MKNK1: variants seen among roughly 807,000 people sequenced by gnomAD.
The protein encoded by MKNK1 is MAP kinase-interacting serine/threonine-protein kinase 1.
MKNK1 carries 30 observed loss-of-function variants against 49.3 expected under a neutral mutation model. The ratio of observed to expected loss-of-function variants is 0.61; its 90% CI spans 0.46 to 0.83. MKNK1 has a LOEUF of 0.83. Among genes scored for constraint, MKNK1 ranks in the 40% least tolerant of loss-of-function variants. MKNK1 has a pLI of 0.00. For missense variants in MKNK1, 423 were observed against 524.7 expected (o/e 0.81, Z 1.89); for synonymous variants, 176 against 201.7 (o/e 0.87, Z 1.08).
intron 2 of MKNK1, chr1:46,585,613 T>G (rs2148715940): frequency 1.5e-5 from 5 of 340,010 alleles, no homozygotes; most frequent in South Asian, 9.3e-5. Flanking sequence ...TGTCCACACT[T>G]TGATGGAGGG....
intron 4 of MKNK1, among the ~76,000 whole-genome samples, chr1:46,578,129 C>G (rs569962318): frequency 4.6e-5 from 7 of 152,206 alleles, no homozygotes; most frequent in Non-Finnish European, 5.9e-5. Context: ...AGCAGGCAAG[C>G]CTTCCACAGC....
chr1:46,572,559 C>G (rs1450465782), intron 6 of MKNK1, among the ~76,000 whole-genome samples: 1 of 151,992 alleles, frequency 6.6e-6, no homozygotes, highest in East Asian at 1.9e-4. Context: ...GTTTGGAAAA[C>G]TTGGGGTGGG....
chr1:46,581,605 C>T (rs1328261010), intron 3 of MKNK1, among the ~76,000 whole-genome samples: 1 of 149,934 alleles, frequency 6.7e-6, no homozygotes, highest in African/African-American at 2.5e-5. Flanking sequence ...TTCATTTACT[C>T]ATTTACTGAG....
rs1188316063 is a variant in MKNK1, at chr1:46,560,270, G to A, written c.977C>T (p.Pro326Leu). The change falls in exon 12 of 13, where the codon CCA becomes CTA. Residue 326 changes from proline (P) to leucine (L), a missense_variant. Pro to Leu is a moderately conservative substitution (Grantham distance 98). Transcript: ENST00000371945. Reference protein sequence around the residue: ...LQHPWVQGQAPEKGLPTPQVL... With the variant: ...LQHPWVQGQALEKGLPTPQVL... ...TTGCGGCGTGGGGAGTCCCTTTTCT[G>A]GAGCTTGCTAGAATGGGAAGGACAG... 3 of 1,614,134 alleles carry A rather than the reference G, an allele frequency of 1.9e-6. No homozygotes were observed. The highest frequency in any genetic ancestry group is 1.3e-5 in the African/African-American group (1 of 75,028).
chr1:46,585,249 C>CAAAAAAAAAAAAAAAA (rs58692301), intron 2 of MKNK1, among the ~76,000 whole-genome samples: 1 of 62,138 alleles, frequency 1.6e-5, no homozygotes, highest in Non-Finnish European at 3.0e-5. Context: ...GATTCCGTCT[C>CAAAAAAAAAAAAAAAA]AAAAAAAAAA....
intron 12 of MKNK1, chr1:46,559,852 T>C (rs888931338): frequency 1.3e-4 from 36 of 278,750 alleles, no homozygotes; most frequent in African/African-American, 7.1e-4. Flanking sequence ...TCACTGTCCG[T>C]CTAGTACCGT....
chr1:46,603,343 C>T (rs1674994290), intron 1 of MKNK1, among the ~76,000 whole-genome samples: 2 of 152,194 alleles, frequency 1.3e-5, no homozygotes, highest in African/African-American at 4.8e-5. Context: ...ACTGAGGCTT[C>T]AAGGCCCAGG....
intron 7 of MKNK1, chr1:46,570,254 C>T (rs1248316663): frequency 1.3e-5 from 2 of 152,212 alleles, no homozygotes; most frequent in Non-Finnish European, 1.5e-5. Context: ...TTTACCACCC[C>T]CTCCAAGGTG....
At chr1:46,577,824 T>A (rs1453420267) in intron 4 of MKNK1, among the ~76,000 whole-genome samples, 1 of 152,230 alleles carries the variant, frequency 6.6e-6, no homozygotes, top group Non-Finnish European at 1.5e-5. Flanking sequence ...ATCTGGAGCC[T>A]CAAACCACTG....
chr1:46,558,945 G>A (rs1040893226), intron 12 of MKNK1, 145 bp from the exon 13 acceptor site: 1 of 670,776 alleles, frequency 1.5e-6, no homozygotes, highest in African/African-American at 1.8e-5. Flanking sequence ...CTCCAAAGTA[G>A]TTCTTGCCTA....
chr1:46,558,656 G>A lies in MKNK1; in HGVS notation c.1158C>T (p.Pro386=). Residue 386 remains proline, a synonymous_variant, in exon 13 of 13, where the codon CCC becomes CCT. Transcript: ENST00000371945. ...DGLCSMKLSP[P]CKSRLARRRA... is the part of the protein sequence containing the mutation. ...GTCTCCGGGCCAGGCGTGACTTGCAGGGAGGGGAAAGCTTCATGGAGCAGA... is the reference window on the plus strand; with the variant it reads ...GTCTCCGGGCCAGGCGTGACTTGCAAGGAGGGGAAAGCTTCATGGAGCAGA... 6.2e-7 allele frequency: 1 copy of A among 1,614,202 alleles called. No individual in the cohort carries two copies. The highest frequency in any genetic ancestry group is 8.5e-7 in the Non-Finnish European group (1 of 1,180,040).
At chr1:46,569,855 ACT>A (rs1669783523) in intron 7 of MKNK1, 1 of 151,896 alleles carries the variant, frequency 6.6e-6, no homozygotes, top group Admixed American at 6.5e-5. Context: ...ACGGAGCCTT[ACT>A]CTCCAAATAG....
intron 2 of MKNK1, among the ~76,000 whole-genome samples, chr1:46,590,636 T>C (rs2148740095): frequency 6.6e-6 from 1 of 152,366 alleles, no homozygotes; most frequent in African/African-American, 2.4e-5. Context: ...TATTTAAACC[T>C]TAATGCTGAA....
At chr1:46,599,647 G>A (rs940026175) in intron 1 of MKNK1, among the ~76,000 whole-genome samples, 9 of 152,148 alleles carry the variant, frequency 5.9e-5, no homozygotes, top group Admixed American at 1.3e-4. Context: ...AAAACCGAGC[G>A]CCAGTCAGGG....
chr1:46,563,536 CG>C (rs1213444352), intron 9 of MKNK1: 1 of 152,178 alleles, frequency 6.6e-6, no homozygotes, highest in Non-Finnish European at 1.5e-5. Context: ...AACCACCTCC[CG>C]CCTCCACACA....
At chr1:46,592,770 G>C (rs774381516) in intron 2 of MKNK1, among the ~76,000 whole-genome samples, 1 of 152,162 alleles carries the variant, frequency 6.6e-6, no homozygotes, top group Non-Finnish European at 1.5e-5. Flanking sequence ...TTGAAGGAAG[G>C]GACAGTGTTT....
intron 4 of MKNK1, among the ~76,000 whole-genome samples, chr1:46,577,124 C>A (rs1228362533): frequency 6.6e-6 from 1 of 152,208 alleles, no homozygotes; most frequent in Non-Finnish European, 1.5e-5. Flanking sequence ...CCACGATCCC[C>A]CTGGCAGAAG....
At chr1:46,576,543 C>G (rs566306586) in intron 5 of MKNK1, 32 bp downstream of exon 5, 8 of 1,584,522 alleles carry the variant, frequency 5.0e-6, no homozygotes, top group African/African-American at 4.0e-5. Flanking sequence ...AGCGTCCCCC[C>G]AGAGAAGCAG....
intron 7 of MKNK1, chr1:46,569,629 C>G (rs1168306265): frequency 6.6e-6 from 1 of 152,266 alleles, no homozygotes; most frequent in Non-Finnish European, 1.5e-5. Context: ...AAGGCAAAAG[C>G]CTGGCCCAGG....
Sources: allele counts gnomAD v4.1 joint callset (sites outside exome capture counted in the v4.1 genomes callset), GRCh38; gene constraint gnomAD v4.1.1; transcripts MANE v1.5; gene names NCBI Gene and HGNC (gene_info 2026-07-23, HGNC 2026-07-21).